Variants in TMEM150A observed in about 807,000 individuals in gnomAD.
TMEM150A encodes transmembrane protein 150A, also known as fasting-inducible integral membrane protein TM6P1.
Under a neutral mutation model 29.8 loss-of-function variants are expected in TMEM150A, and 18 were observed. The ratio of observed to expected loss-of-function variants is 0.60; its 90% CI spans 0.42 to 0.90. TMEM150A has a LOEUF of 0.90. Ranked by LOEUF, TMEM150A falls within the 40% of genes least tolerant of loss-of-function variation. The pLI, the probability that TMEM150A is intolerant of heterozygous loss-of-function variation, is 0.00. For missense variants in TMEM150A, 251 were observed against 349.7 expected, an observed-to-expected ratio of 0.72 and a Z score of 2.25; for synonymous variants, 127 against 143.6, an observed-to-expected ratio of 0.88 and a Z score of 0.83.
At chr2:85,600,653 T>A (rs1209426498) in intron 4 of TMEM150A, 14 of 567,900 alleles carry the variant, frequency 2.5e-5, no homozygotes, top group African/African-American at 1.7e-4. Flanking sequence ...CTGACACTCT[T>A]TGCTGAGCCC....
In TMEM150A at chr2:85,599,814, A is replaced by G; in HGVS notation, c.396+77T>C. The G allele has an allele frequency of 3.7e-6, 6 of 1,607,712 alleles. No homozygotes were observed. The South Asian group carries it at 4.4e-5, about 12-fold the overall frequency. On this transcript the variant is annotated intron_variant, in intron 6 of 7. Coordinates refer to ENST00000334462, the MANE Select transcript of TMEM150A (RefSeq NM_001031738.3). This position sits in a 1 kb window ranked among gnomAD's most constrained non-coding sequence, Gnocchi z 6.0. ...CTTCCTCTCCCTCTTTCCAGCCCCAACCTTGAGGTGCCACACTGCAGGCAG... is the reference window on the plus strand; with the variant it reads ...CTTCCTCTCCCTCTTTCCAGCCCCAGCCTTGAGGTGCCACACTGCAGGCAG...
chr2:85,600,035 C>G lies in TMEM150A; in HGVS notation c.269-17G>C, dbSNP rs202154922. 6.7e-5 allele frequency: 108 copies of G among 1,610,696 alleles called. No homozygotes were observed. The East Asian group carries it at 2.4e-3, about 36-fold the overall frequency. On this transcript the variant is annotated splice_polypyrimidine_tract_variant and intron_variant, in intron 5 of 7. Transcript: ENST00000334462. ...TCAGGGCCACTGGGGGAGGAGAGCA[C>G]AGTTGAGGCCTTCCTCCAGCCCTGG...
Position 85,601,006 on chromosome 2 carries a change from A to G in TMEM150A, c.200+15T>C. The G allele has an allele frequency of 2.5e-6, 4 of 1,610,548 alleles. No individual in the cohort carries two copies. The highest frequency in any genetic ancestry group is 2.2e-5 in the South Asian group (2 of 90,724). On this transcript the variant is annotated intron_variant, in intron 4 of 7. Transcript: ENST00000334462. The surrounding 1 kb of genome is among the most constrained non-coding windows in gnomAD (Gnocchi z 4.0). ...CCCTTAGATCTCCCTGACCGGCCCA[A>G]TGTCCAGGCCTTACCTGATGAGGGG...
rs1056534071 is a variant in TMEM150A at position 85,598,662 on chromosome 2, G to A, written c.*414C>T. ...GAGTGAAGAATCCCAGTGCAGCTCA[G>A]TGGGCCCAGAAATGGGCCTTTCCGT... On this transcript the variant is annotated 3_prime_UTR_variant, in exon 8 of 8. Coordinates refer to ENST00000334462, the MANE Select transcript of TMEM150A (RefSeq NM_001031738.3). 1 of 198,358 alleles carries A rather than the reference G, an allele frequency of 5.0e-6. No homozygotes were observed. Among genetic ancestry groups the A allele is most frequent in the African/African-American group, 2.3e-5 (1 of 43,634 alleles). The allele number at this position is 198,358 out of a possible 1,614,324, so 12.3% of individuals were successfully genotyped here.
At position 85,601,199 on chromosome 2, in the gene TMEM150A, G is replaced by T; in HGVS notation, c.114-92C>A. On this transcript the variant is annotated intron_variant, in intron 3 of 7. Coordinates refer to ENST00000334462, the MANE Select transcript of TMEM150A (RefSeq NM_001031738.3). This position sits in a 1 kb window ranked among gnomAD's most constrained non-coding sequence, Gnocchi z 4.0. ...AGGCCTCAAAGAGGACTCTCTCCCA[G>T]ACCTCCCCTACAGGGACAGAAGATC... 7.3e-7 allele frequency: 1 copy of T among 1,371,310 alleles called. No individual in the cohort carries two copies. The highest frequency in any genetic ancestry group is 1.2e-5 in the South Asian group (1 of 83,614). The allele number at this position is 1,371,310 out of a possible 1,614,324, so 84.9% of individuals were successfully genotyped here.
chr2:85,599,766 A>G lies in TMEM150A; in HGVS notation c.397-64T>C, dbSNP rs185098318. 219 of 1,591,788 alleles carry G rather than the reference A, an allele frequency of 1.4e-4. 1 individual carries two copies. The highest frequency in any genetic ancestry group is 2.0e-4 in the Middle Eastern group (1 of 4,920). On this transcript the variant is annotated intron_variant, in intron 6 of 7. Coordinates refer to ENST00000334462, the MANE Select transcript of TMEM150A (RefSeq NM_001031738.3). The surrounding 1 kb of genome is among the most constrained non-coding windows in gnomAD (Gnocchi z 6.0). ...GCCCCACCTCTCCACCCCTCCTTCA[A>G]TGAATCTCCTCTCTCCCTCTTCCTT...
chr2:85,600,296 G>A, intron 5 of TMEM150A, 49 bp downstream of exon 5: 1 of 1,600,738 alleles, frequency 6.2e-7, no homozygotes, highest in Non-Finnish European at 8.6e-7. Context: ...TTTCTGTGTG[G>A]GGATCACTGG....
At position 85,599,925 on chromosome 2, in the gene TMEM150A, T is replaced by C; in HGVS notation, c.362A>G (p.Asn121Ser). 1 of 1,611,780 alleles carries C rather than the reference T, an allele frequency of 6.2e-7. No homozygotes were observed. The highest frequency in any genetic ancestry group is 8.5e-7 in the Non-Finnish European group (1 of 1,179,598). The change falls in exon 6 of 8, where the codon AAC becomes AGC. Residue 121 changes from asparagine (N) to serine (S), a missense_variant. Transcript: ENST00000334462. This position sits in a 1 kb window ranked among gnomAD's most constrained non-coding sequence, Gnocchi z 6.0. Reference sequence around the variant, plus strand: ...GCCAACCACCAAGAGGCCCGCAGCGTTGGTGCAGCCTGTGATGAGTGCCGT... The same window carrying C: ...GCCAACCACCAAGAGGCCCGCAGCGCTGGTGCAGCCTGTGATGAGTGCCGT... ...NTTALITGCT[N>S]AAGLLVVGNF... is the part of the protein sequence containing the mutation.
chr2:85,599,070 C>T lies in TMEM150A; in HGVS notation c.*6G>A. On this transcript the variant is annotated 3_prime_UTR_variant, in exon 8 of 8. Coordinates refer to ENST00000334462, the MANE Select transcript of TMEM150A (RefSeq NM_001031738.3). The surrounding 1 kb of genome is among the most constrained non-coding windows in gnomAD (Gnocchi z 6.0). Reference sequence around the variant, plus strand: ...TGGAGGCCGGGCCAGCCACCCTCCCCAGACCTTAGATCATAGCGATGCTCT... The same window carrying T: ...TGGAGGCCGGGCCAGCCACCCTCCCTAGACCTTAGATCATAGCGATGCTCT... 1 of 1,609,912 alleles carries T rather than the reference C, an allele frequency of 6.2e-7. No individual in the cohort carries two copies. The highest frequency in any genetic ancestry group is 1.1e-5 in the South Asian group (1 of 90,988).
chr2:85,599,664 GC>G lies in TMEM150A; in HGVS notation c.434del (p.Gly145AlafsTer126). On this transcript the variant is annotated frameshift_variant, in exon 7 of 8. Transcript: ENST00000334462. LOFTEE classifies it high-confidence loss of function. This position sits in a 1 kb window ranked among gnomAD's most constrained non-coding sequence, Gnocchi z 6.0. ...AGAGCAGCCCCGCAGGGAAGGCCAC[GC>G]CAGCTCCAACGTAGTGCAGAGACCT... ...HARSLHYVGA[G>X]VAFPAGLLFV... The G allele has an allele frequency of 6.2e-7, 1 of 1,613,558 alleles. No individual in the cohort carries two copies. The highest frequency in any genetic ancestry group is 8.5e-7 in the Non-Finnish European group (1 of 1,179,990).
chr2:85,600,572 C>T, intron 4 of TMEM150A, 160 bp from the exon 5 acceptor site: 1 of 634,080 alleles, frequency 1.6e-6, no homozygotes, highest in Non-Finnish European at 2.9e-6. Flanking sequence ...CAACTGGTTC[C>T]AGGCTGGGCC....
chr2:85,601,132 C>G lies in TMEM150A; in HGVS notation c.114-25G>C. The G allele has an allele frequency of 6.2e-7, 1 of 1,609,834 alleles. No individual in the cohort carries two copies. The highest frequency in any genetic ancestry group is 1.1e-5 in the South Asian group (1 of 90,842). ...CCTGGCAGGCAGGACAGGGAGTAGA[C>G]TGGGGGAAGGGACTGCCCCCAGGCC... On this transcript the variant is annotated intron_variant, in intron 3 of 7. Coordinates refer to ENST00000334462, the MANE Select transcript of TMEM150A (RefSeq NM_001031738.3). This position sits in a 1 kb window ranked among gnomAD's most constrained non-coding sequence, Gnocchi z 4.0.
chr2:85,599,382 T>G lies in TMEM150A; in HGVS notation c.575-65A>C. 2 of 1,598,556 alleles carry G rather than the reference T, an allele frequency of 1.3e-6. No homozygotes were observed. Among genetic ancestry groups the G allele is most frequent in the Non-Finnish European group, 1.7e-6 (2 of 1,170,590 alleles). On this transcript the variant is annotated intron_variant, in intron 7 of 7. Coordinates refer to ENST00000334462, the MANE Select transcript of TMEM150A (RefSeq NM_001031738.3). This position sits in a 1 kb window ranked among gnomAD's most constrained non-coding sequence, Gnocchi z 6.0. ...AAACCTGGCAACACCCCTTCTGCAG[T>G]CTCAGGCCTCACCTCTCCAAAGGGA...
chr2:85,599,255 C>G lies in TMEM150A; in HGVS notation c.637G>C (p.Val213Leu), dbSNP rs1253288881. 1 of 1,613,868 alleles carries G rather than the reference C, an allele frequency of 6.2e-7. No individual in the cohort carries two copies. The highest frequency in any genetic ancestry group is 8.5e-7 in the Non-Finnish European group (1 of 1,180,018). Residue 213 changes from valine to leucine, a missense_variant, in exon 8 of 8, where the codon GTG becomes CTG. By Grantham distance (32) the Val-to-Leu change is conservative. Coordinates refer to ENST00000334462, the MANE Select transcript of TMEM150A (RefSeq NM_001031738.3). The surrounding 1 kb of genome is among the most constrained non-coding windows in gnomAD (Gnocchi z 6.0). ...AAAATGAGGATATCGATGACACACA[C>G]CCACTCACACAGGGCTGCCCCATGT... ...LQHGAALCEWVCVIDILIFYG... is the reference protein window; with the variant it reads ...LQHGAALCEWLCVIDILIFYG...
Position 85,599,875 on chromosome 2 carries a change from G to A in TMEM150A, c.396+16C>T, listed in dbSNP as rs1672830829. ...TTAGGTAAAGTTTAAGGTTTGCAGGGGAGAAGGGGAAGCACCTGAAAGTTG... is the reference window on the plus strand; with the variant it reads ...TTAGGTAAAGTTTAAGGTTTGCAGGAGAGAAGGGGAAGCACCTGAAAGTTG... On this transcript the variant is annotated intron_variant, in intron 6 of 7. Coordinates refer to ENST00000334462, the MANE Select transcript of TMEM150A (RefSeq NM_001031738.3). The surrounding 1 kb of genome is among the most constrained non-coding windows in gnomAD (Gnocchi z 6.0). 2 of 1,613,200 alleles carry A rather than the reference G, an allele frequency of 1.2e-6. No individual in the cohort carries two copies. Among genetic ancestry groups the A allele is most frequent in the Non-Finnish European group, 1.7e-6 (2 of 1,180,026 alleles).
In TMEM150A at chr2:85,598,710, C is replaced by T; in HGVS notation, c.*366G>A. ...CGTAGGCTAAGGCGTGCCCACTCCA[C>T]CTCCACCAGACTTCTATCCCCTCTG... On this transcript the variant is annotated 3_prime_UTR_variant, in exon 8 of 8. Coordinates refer to ENST00000334462, the MANE Select transcript of TMEM150A (RefSeq NM_001031738.3). The T allele has an allele frequency of 3.9e-6, 1 of 254,778 alleles. No homozygotes were observed. Among genetic ancestry groups the T allele is most frequent in the Non-Finnish European group, 7.8e-6 (1 of 128,312 alleles). 15.8% of individuals were successfully genotyped at this position (254,778 alleles called of 1,614,324 possible).
intron 4 of TMEM150A, 52 bp downstream of exon 4, chr2:85,600,969 C>T: frequency 6.5e-7 from 1 of 1,547,754 alleles, no homozygotes. Context: ...GCTTGAGGGG[C>T]TGTCTGGGAG....
Position 85,599,720 on chromosome 2 carries a change from CCA to C in TMEM150A, c.397-20_397-19del, listed in dbSNP as rs1259068370. The C allele has an allele frequency of 6.2e-7, 1 of 1,608,330 alleles. No individual in the cohort carries two copies. Among genetic ancestry groups the C allele is most frequent in the East Asian group, 2.2e-5 (1 of 44,840 alleles). On this transcript the variant is annotated intron_variant, in intron 6 of 7. Transcript: ENST00000334462. This position sits in a 1 kb window ranked among gnomAD's most constrained non-coding sequence, Gnocchi z 6.0. ...TGATCCACCTGGGCCCAGAGAAGGGCCAGTTGGTGATGTGGCCATGGCCCCAC... is the reference window on the plus strand; with the variant it reads ...TGATCCACCTGGGCCCAGAGAAGGGCGTTGGTGATGTGGCCATGGCCCCAC...
Position 85,599,086 on chromosome 2 carries a change from G to A in TMEM150A, c.806C>T (p.Ala269Val), listed in dbSNP as rs1487115528. ...CACCCTCCCCAGACCTTAGATCATA[G>A]CGATGCTCTCGGGGGCACAGTTGAG... The part of the protein sequence containing the change: ...THLNCAPESI[A>V]MI The change falls in exon 8 of 8, where the codon GCT becomes GTT. Residue 269 changes from alanine (A) to valine (V), a missense_variant. Coordinates refer to ENST00000334462, the MANE Select transcript of TMEM150A (RefSeq NM_001031738.3). This position sits in a 1 kb window ranked among gnomAD's most constrained non-coding sequence, Gnocchi z 6.0. 1.2e-6 allele frequency: 2 copies of A among 1,613,502 alleles called. No homozygotes were observed. The highest frequency in any genetic ancestry group is 1.1e-5 in the South Asian group (1 of 91,058).
Sources: gnomAD v4.1 joint callset for allele counts on GRCh38, gnomAD v4.1.1 for gene constraint, Gnocchi (gnomAD v3.1) non-coding constraint, MANE v1.5 for transcripts, NCBI Gene and HGNC (gene_info 2026-07-23, HGNC 2026-07-21) for gene names.